GPR137B: variants seen among roughly 807,000 people sequenced by gnomAD.
GPR137B encodes the protein integral membrane protein GPR137B.
GPR137B carries 42 observed loss-of-function variants against 42.5 expected under a neutral mutation model. The observed-to-expected ratio is 0.99, with a 90% CI of 0.77 to 1.28. The LOEUF is 1.28. Among genes scored for constraint, GPR137B ranks in the 50% most tolerant of loss-of-function variants. GPR137B has a pLI of 0.00. For missense variants in GPR137B, 487 were observed against 493.9 expected (o/e 0.99, Z 0.13); for synonymous variants, 218 against 209.7 (o/e 1.04, Z -0.34).
At chr1:236,149,481 G>T (rs950906020) in intron 1 of GPR137B, among the ~76,000 whole-genome samples, 1 of 152,156 alleles carries the variant, frequency 6.6e-6, no homozygotes, top group Admixed American at 6.6e-5. Flanking sequence ...GAACTAAGAG[G>T]CCCCTAAAAG....
intron 1 of GPR137B, among the ~76,000 whole-genome samples, chr1:236,168,342 G>T (rs185066663): frequency 1.3e-5 from 2 of 150,884 alleles, no homozygotes; most frequent in East Asian, 2.0e-4. Flanking sequence ...AAAATCACTT[G>T]AACCCGGGAG....
chr1:236,160,537 TTCTG>T (rs1662158305), intron 1 of GPR137B, among the ~76,000 whole-genome samples: 1 of 152,188 alleles, frequency 6.6e-6, no homozygotes, highest in South Asian at 2.1e-4. Flanking sequence ...CCCAGGCTCC[TTCTG>T]TCTGTCCACA....
intron 2 of GPR137B, 102 bp downstream of exon 2, chr1:236,168,857 C>G: frequency 1.1e-6 from 1 of 873,254 alleles, no homozygotes; most frequent in East Asian, 2.4e-5. Context: ...GTTCTGTGAG[C>G]CGCCGGAAAC....
At position 236,169,228 on chromosome 1, in the gene GPR137B, A is replaced by AGGTG. The variant is rs1558484948; in HGVS notation, c.464+473_464+474insGGTG. Among the ~76,000 whole-genome samples, 15 of 126,594 alleles carry AGGTG rather than the reference A, an allele frequency of 1.2e-4. 1 individual carries two copies. The East Asian group carries it at 1.9e-3, about 16-fold the overall frequency. The allele number at this position is 126,594 out of a possible 152,430, so 83.1% of individuals were successfully genotyped here. Reference sequence around the variant, plus strand: ...TGCAGGTGCAGGTACAGGTACAGGTACAGGTGCAGGTGCAGGTGCAGGTGC... The same window carrying AGGTG: ...TGCAGGTGCAGGTACAGGTACAGGTAGGTGCAGGTGCAGGTGCAGGTGCAGGTGC... On this transcript the variant is annotated intron_variant, in intron 2 of 6. Coordinates refer to ENST00000366592, the MANE Select transcript of GPR137B (RefSeq NM_003272.4).
chr1:236,157,579 G>T (rs1351633812), intron 1 of GPR137B, among the ~76,000 whole-genome samples: 1 of 152,158 alleles, frequency 6.6e-6, no homozygotes, highest in African/African-American at 2.4e-5. Flanking sequence ...GCTACCGGTT[G>T]TGGCCTGTTA....
intron 1 of GPR137B, among the ~76,000 whole-genome samples, chr1:236,143,811 T>G (rs1238710594): frequency 6.6e-6 from 1 of 152,250 alleles, no homozygotes; most frequent in African/African-American, 2.4e-5. Context: ...GCTGCTTTAC[T>G]GCTGATGGTT....
intron 1 of GPR137B, among the ~76,000 whole-genome samples, chr1:236,145,250 C>T (rs919995480): frequency 6.6e-6 from 1 of 152,186 alleles, no homozygotes; most frequent in Non-Finnish European, 1.5e-5. Flanking sequence ...CCCTTCTCCT[C>T]CTCTCCCGCT....
At chr1:236,193,982 T>C (rs1028949241) in intron 5 of GPR137B, among the ~76,000 whole-genome samples, 1 of 152,228 alleles carries the variant, frequency 6.6e-6, no homozygotes, top group African/African-American at 2.4e-5. Context: ...CAACTTACAA[T>C]TTTTCAACTT....
chr1:236,175,518 T>C (rs953103134), intron 2 of GPR137B, among the ~76,000 whole-genome samples: 3 of 152,176 alleles, frequency 2.0e-5, no homozygotes, highest in African/African-American at 7.2e-5. Context: ...TCTGGATGTT[T>C]CCATCTAGCG....
intron 2 of GPR137B, 39 bp from the exon 3 acceptor site, chr1:236,178,375 T>C (rs1558488240): frequency 8.2e-7 from 1 of 1,215,370 alleles, no homozygotes; most frequent in South Asian, 1.2e-5. Context: ...TAGACTGACC[T>C]GGGATGTGCA....
chr1:236,205,291 GA>G, intron 6 of GPR137B, 41 bp downstream of exon 6: 1 of 1,575,256 alleles, frequency 6.3e-7, no homozygotes, highest in Non-Finnish European at 8.7e-7. Flanking sequence ...CATCAGGAGG[GA>G]AGGGTTACAC....
intron 1 of GPR137B, among the ~76,000 whole-genome samples, chr1:236,159,811 G>A (rs1394522582): frequency 2.0e-5 from 3 of 152,224 alleles, no homozygotes; most frequent in African/African-American, 4.8e-5. Flanking sequence ...CGAAAGGATG[G>A]GGTGAAGGCC....
intron 1 of GPR137B, among the ~76,000 whole-genome samples, chr1:236,159,391 C>G (rs1028070819): frequency 6.6e-6 from 1 of 151,920 alleles, no homozygotes; most frequent in African/African-American, 2.4e-5. Context: ...ATAGGCTTGG[C>G]GGGGTGGCTC....
intron 1 of GPR137B, among the ~76,000 whole-genome samples, chr1:236,158,615 G>C (rs1662099434): frequency 6.6e-6 from 1 of 152,250 alleles, no homozygotes; most frequent in South Asian, 2.1e-4. Context: ...ACCAGCGTGT[G>C]TGATAGAGAC....
At position 236,191,501 on chromosome 1, in the gene GPR137B, G is replaced by A. The variant is rs577026989; in HGVS notation, c.966+7595G>A. Among the ~76,000 whole-genome samples, 7 of 152,262 alleles carry A rather than the reference G, an allele frequency of 4.6e-5. No homozygotes were observed. In the South Asian group the frequency reaches 1.5e-3, roughly 32 times the overall value. The stretch of plus-strand genomic sequence containing the variant: ...GATTTATCTACCTTTGGTCTTTGAT[G>A]TTGGTGACCTTCGGATGGGGTCTCT... On this transcript the variant is annotated intron_variant, in intron 5 of 6. Coordinates refer to ENST00000366592, the MANE Select transcript of GPR137B (RefSeq NM_003272.4).
At chr1:236,161,281 C>T (rs967733631) in intron 1 of GPR137B, among the ~76,000 whole-genome samples, 1 of 152,160 alleles carries the variant, frequency 6.6e-6, no homozygotes, top group Non-Finnish European at 1.5e-5. Flanking sequence ...CCCTGGACAG[C>T]GGCCTCTTCC....
intron 1 of GPR137B, among the ~76,000 whole-genome samples, chr1:236,167,750 T>C (rs943223793): frequency 6.6e-6 from 1 of 152,114 alleles, no homozygotes; most frequent in African/African-American, 2.4e-5. Context: ...GACCCCCCAC[T>C]GAGATCCCCA....
chr1:236,170,977 A>C (rs1260690474), intron 2 of GPR137B, among the ~76,000 whole-genome samples: 1 of 137,162 alleles, frequency 7.3e-6, no homozygotes, highest in African/African-American at 3.2e-5. Flanking sequence ...CTGTCTCAAA[A>C]AAAAAAAAAA....
chr1:236,177,481 A>C (rs1243978349), intron 2 of GPR137B, among the ~76,000 whole-genome samples: 1 of 152,108 alleles, frequency 6.6e-6, no homozygotes, highest in Non-Finnish European at 1.5e-5. Context: ...GAGAAACTAC[A>C]GGTTAAAAAT....
Sources: gnomAD v4.1 joint callset for allele counts (sites outside exome capture counted in the v4.1 genomes callset) on GRCh38, gnomAD v4.1.1 for gene constraint, MANE v1.5 for transcripts, NCBI Gene and HGNC (gene_info 2026-07-23, HGNC 2026-07-21) for gene names.